The following MAP3K20 variants were observed in gnomAD, a reference collection of about 807,000 sequenced individuals.
MAP3K20 encodes HCCS-4.
Under a neutral mutation model 85.7 loss-of-function variants are expected in MAP3K20, and 40 were observed. The observed-to-expected ratio is 0.47, with a 90% CI of 0.36 to 0.61. The LOEUF (loss-of-function observed/expected upper bound fraction) is 0.61, where lower values mean the gene tolerates loss of function less well. MAP3K20 is among the 20% of genes least tolerant of loss of function. The pLI, the probability that MAP3K20 is intolerant of heterozygous loss-of-function variation, is 0.00. For missense variants in MAP3K20, 817 were observed against 961.7 expected (o/e 0.85, Z 1.99); for synonymous variants, 325 against 327.7 (o/e 0.99, Z 0.09).
chr2:173,199,348 TGAAAA>T (rs763558018), intron 8 of MAP3K20, among the ~76,000 whole-genome samples: 3 of 152,196 alleles, frequency 2.0e-5, no homozygotes, highest in Non-Finnish European at 2.9e-5. Context: ...ATTTAAGAAA[TGAAAA>T]GGAGTTATAT....
intron 11 of MAP3K20, chr2:173,222,028 C>A: frequency 1.0e-6 from 1 of 974,974 alleles, no homozygotes; most frequent in Non-Finnish European, 1.2e-6. Context: ...CCTAGTAAGA[C>A]CTCGTCTCTA....
chr2:173,261,028 T>C lies in MAP3K20; in HGVS notation c.1477-35T>C, dbSNP rs755084014. On this transcript the variant is annotated intron_variant, in intron 17 of 19. Coordinates refer to ENST00000375213, the MANE Select transcript of MAP3K20 (RefSeq NM_016653.3). Reference sequence around the variant, plus strand: ...CATACTATAGTAGAGCAGACTGTGTTATGGTACTACACCATCCTAACTTTT... The same window carrying C: ...CATACTATAGTAGAGCAGACTGTGTCATGGTACTACACCATCCTAACTTTT... The C allele has an allele frequency of 1.9e-6, 3 of 1,600,432 alleles. No individual in the cohort carries two copies. In the East Asian group the frequency reaches 6.7e-5, roughly 36 times the overall value.
intron 12 of MAP3K20, 146 bp from the exon 13 acceptor site, chr2:173,232,046 A>G: frequency 3.0e-6 from 3 of 1,012,516 alleles, no homozygotes; most frequent in Non-Finnish European, 3.0e-6. Context: ...TTTTAAAACT[A>G]CAAAGAGAAA....
At position 173,249,327 on chromosome 2, in the gene MAP3K20, G is replaced by A. The variant is rs150958619; in HGVS notation, c.1360-9372G>A. ...TTTTCTAAACCAAAAATTAGGTGTTGAGAATAATCAGCTATAAAAGAGACA... is the reference window on the plus strand; with the variant it reads ...TTTTCTAAACCAAAAATTAGGTGTTAAGAATAATCAGCTATAAAAGAGACA... On this transcript the variant is annotated intron_variant, in intron 16 of 19. Coordinates refer to ENST00000375213, the MANE Select transcript of MAP3K20 (RefSeq NM_016653.3). Among the ~76,000 whole-genome samples, 342 of 152,272 alleles carry A rather than the reference G, an allele frequency of 2.2e-3. 5 individuals are homozygous for A. Among genetic ancestry groups the A allele is most frequent in the East Asian group, 0.022 (115 of 5,192 alleles).
At chr2:173,150,133 T>C (rs1023314356) in intron 2 of MAP3K20, among the ~76,000 whole-genome samples, 2 of 152,206 alleles carry the variant, frequency 1.3e-5, no homozygotes, top group African/African-American at 4.8e-5. Flanking sequence ...ATGTGGTGAT[T>C]GTGAGTCTAA....
At chr2:173,238,557 GTCTAACAAAAGGCCCTTTGAAGC>G (rs1199327719) in intron 15 of MAP3K20, 122 bp downstream of exon 15, 3 of 886,610 alleles carry the variant, frequency 3.4e-6, no homozygotes, top group Non-Finnish European at 5.2e-6. Context: ...CATCATATCT[GTCTAACAAAAGGCCCTTTGAAGC>G]AAGGGAAGTG....
intron 2 of MAP3K20, among the ~76,000 whole-genome samples, chr2:173,096,548 C>G (rs575476537): frequency 6.6e-6 from 1 of 152,202 alleles, no homozygotes; most frequent in South Asian, 2.1e-4. Flanking sequence ...CCGTGTTAGC[C>G]AGGATGGTCT....
In MAP3K20 at chr2:173,208,138, G is replaced by GCCTA. The variant is rs1227892741; in HGVS notation, c.745-1588_745-1587insACCT. Among the ~76,000 whole-genome samples, 22 of 152,152 alleles carry GCCTA rather than the reference G, an allele frequency of 1.4e-4. 1 individual carries two copies. Among genetic ancestry groups the GCCTA allele is most frequent in the Admixed American group, 1.4e-3 (22 of 15,274 alleles). ...TTTCAGGCCAGGCACAGTGGCTCAT[G>GCCTA]CCTGTAATCCCATCACTTTAGGAGG... On this transcript the variant is annotated intron_variant, in intron 9 of 19. Coordinates refer to ENST00000375213, the MANE Select transcript of MAP3K20 (RefSeq NM_016653.3).
chr2:173,136,774 A>T (rs562244096), intron 2 of MAP3K20, among the ~76,000 whole-genome samples: 3 of 152,232 alleles, frequency 2.0e-5, no homozygotes, highest in African/African-American at 7.2e-5. Context: ...GAAATCTCTC[A>T]GAATAGCTCT....
At chr2:173,220,004 G>C (rs1046441703) in intron 11 of MAP3K20, among the ~76,000 whole-genome samples, 2 of 147,230 alleles carry the variant, frequency 1.4e-5, no homozygotes, top group Non-Finnish European at 3.0e-5. Flanking sequence ...GAAGGCAGAG[G>C]TTGCAGTGAG....
chr2:173,180,807 G>C (rs768131000), intron 3 of MAP3K20, among the ~76,000 whole-genome samples: 6 of 152,030 alleles, frequency 3.9e-5, no homozygotes, highest in Non-Finnish European at 8.8e-5. Context: ...AAGAAAAATA[G>C]AAAATCTTCA....
chr2:173,107,060 G>A (rs895389612), intron 2 of MAP3K20, among the ~76,000 whole-genome samples: 3 of 152,208 alleles, frequency 2.0e-5, no homozygotes, highest in Non-Finnish European at 4.4e-5. Flanking sequence ...CGGACAAAGT[G>A]ACAGTGAGCT....
At chr2:173,243,982 G>A (rs1315592578) in intron 16 of MAP3K20, among the ~76,000 whole-genome samples, 2 of 152,186 alleles carry the variant, frequency 1.3e-5, no homozygotes, top group East Asian at 3.9e-4. Context: ...AATTGGAAAG[G>A]GGCCGCCAGG....
chr2:173,110,219 ATATATATATATATATATATATATTTTTT>A (rs1397639634), intron 2 of MAP3K20, among the ~76,000 whole-genome samples: 190 of 7,056 alleles, frequency 0.027, 2 homozygotes, highest in African/African-American at 0.069. Context: ...ATATATATAT[ATATATATATATATATATATATATTTTTT>A]TTTTTTTTTT....
chr2:173,247,237 C>T (rs1448723095), intron 16 of MAP3K20, among the ~76,000 whole-genome samples: 1 of 152,100 alleles, frequency 6.6e-6, no homozygotes, highest in Non-Finnish European at 1.5e-5. Context: ...CTTTTAAGTC[C>T]TTATTACATT....
intron 2 of MAP3K20, among the ~76,000 whole-genome samples, chr2:173,117,254 GA>G (rs1313998456): frequency 3.9e-5 from 6 of 152,074 alleles, no homozygotes; most frequent in African/African-American, 1.4e-4. Context: ...TTGAAGCAGG[GA>G]TATGTAGTTT....
chr2:173,203,762 T>G, intron 8 of MAP3K20, 34 bp from the exon 9 acceptor site: 1 of 1,515,684 alleles, frequency 6.6e-7, no homozygotes. Flanking sequence ...AAATCCCTGT[T>G]TTATTTTGTT....
At chr2:173,187,455 T>G in intron 4 of MAP3K20, 103 bp from the exon 5 acceptor site, 1 of 879,666 alleles carries the variant, frequency 1.1e-6, no homozygotes, top group Non-Finnish European at 1.7e-6. Flanking sequence ...ATAAGACATG[T>G]GAATTAGTTT....
intron 11 of MAP3K20, 37 bp from the exon 12 acceptor site, chr2:173,229,652 A>G (rs779247887): frequency 6.2e-7 from 1 of 1,608,748 alleles, no homozygotes; most frequent in African/African-American, 1.3e-5. Context: ...TGATAATATT[A>G]CTTTTTTTTT....
Sources: gnomAD v4.1 joint callset for allele counts (sites outside exome capture counted in the v4.1 genomes callset) on GRCh38, gnomAD v4.1.1 for gene constraint, MANE v1.5 for transcripts, NCBI Gene and HGNC (gene_info 2026-07-23, HGNC 2026-07-21) for gene names.